The following SLIT2 variants were observed in gnomAD, a reference collection of about 807,000 sequenced individuals.
The protein encoded by SLIT2 is slit homolog 2 protein.
In SLIT2, 41 loss-of-function variants were observed where a neutral mutation model predicts 185.7. That is an observed-to-expected ratio of 0.22 (90% CI 0.17 to 0.29). SLIT2 has a LOEUF of 0.29. Ranked by LOEUF, SLIT2 falls within the 10% of genes least tolerant of loss-of-function variation. The pLI is 1.00. For synonymous variants in SLIT2, 693 were observed against 680.2 expected, an observed-to-expected ratio of 1.02 and a Z score of -0.29; for missense variants, 1,571 against 1,909.0, an observed-to-expected ratio of 0.82 and a Z score of 3.30.
At chr4:20,574,819 A>G (rs1725950537) in intron 29 of SLIT2, among the ~76,000 whole-genome samples, 1 of 149,314 alleles carries the variant, frequency 6.7e-6, no homozygotes, top group Non-Finnish European at 1.5e-5. Context: ...AAAGGTTATT[A>G]TATAGCAGGT....
At chr4:20,580,373 AT>A (rs1239007915) in intron 29 of SLIT2, among the ~76,000 whole-genome samples, 2 of 148,246 alleles carry the variant, frequency 1.3e-5, no homozygotes, top group African/African-American at 5.0e-5. Context: ...TTTCAGGATT[AT>A]TTTTATACTT....
chr4:20,307,685 A>G (rs1054975285), intron 4 of SLIT2, among the ~76,000 whole-genome samples: 1 of 152,212 alleles, frequency 6.6e-6, no homozygotes, highest in Non-Finnish European at 1.5e-5. Context: ...ACAGGAAACT[A>G]GTATTTAGTA....
At chr4:20,497,338 A>T (rs1425526935) in intron 9 of SLIT2, among the ~76,000 whole-genome samples, 1 of 152,102 alleles carries the variant, frequency 6.6e-6, no homozygotes, top group Admixed American at 6.5e-5. Flanking sequence ...AATGGCTTCA[A>T]TCATACATTT....
chr4:20,372,139 A>T (rs955757628), intron 4 of SLIT2, among the ~76,000 whole-genome samples: 1 of 152,074 alleles, frequency 6.6e-6, no homozygotes, highest in African/African-American at 2.4e-5. Context: ...GGTACGACAC[A>T]TTATGCCAGT....
intron 11 of SLIT2, among the ~76,000 whole-genome samples, chr4:20,516,698 C>T (rs1481479527): frequency 2.0e-5 from 3 of 152,042 alleles, no homozygotes; most frequent in Admixed American, 2.0e-4. Flanking sequence ...ACTAATTTTC[C>T]TTGCTGTCAT....
intron 12 of SLIT2, among the ~76,000 whole-genome samples, chr4:20,520,026 T>G (rs1372646469): frequency 4.3e-5 from 4 of 93,406 alleles, no homozygotes; most frequent in African/African-American, 1.8e-4. Flanking sequence ...AGAGTGAGAC[T>G]CCGTCTCAAA....
rs147726667 is a variant in SLIT2 at position 20,618,855 on chromosome 4, G to T, written c.4436G>T (p.Arg1479Leu). 1 of 1,614,128 alleles carries T rather than the reference G, an allele frequency of 6.2e-7. No individual in the cohort carries two copies. Among genetic ancestry groups the T allele is most frequent in the Non-Finnish European group, 8.5e-7 (1 of 1,180,012 alleles). The change falls in exon 37 of 37, where the codon CGA becomes CTA. Residue 1479 changes from arginine to leucine, a missense_variant. Transcript: ENST00000504154. ...TGCCAAACAACCAAGAAGGTGTCCC[G>T]ATTAGAGTGCAGAGGTGGGTGTGCA... ...AACQTTKKVSRLECRGGCAGG... is the reference protein window; with the variant it reads ...AACQTTKKVSLLECRGGCAGG...
intron 4 of SLIT2, among the ~76,000 whole-genome samples, chr4:20,341,991 G>C (rs985565938): frequency 3.9e-5 from 6 of 152,144 alleles, no homozygotes; most frequent in African/African-American, 1.4e-4. Context: ...CAAAATCTAT[G>C]ATGAATTTAT....
chr4:20,252,428 G>T lies in SLIT2; in HGVS notation c.-1388G>T, dbSNP rs1016417424. Reference sequence around the variant, plus strand: ...GGGGCTAGAAGGAGAAGGACTACCCGGGACTGCGGCCGCCGCGTCAGGTGC... The same window carrying T: ...GGGGCTAGAAGGAGAAGGACTACCCTGGACTGCGGCCGCCGCGTCAGGTGC... On this transcript the variant is annotated 5_prime_UTR_variant, in exon 1 of 37. Transcript: ENST00000504154. Among the ~76,000 whole-genome samples, 8 of 152,228 alleles carry T rather than the reference G, an allele frequency of 5.3e-5. No homozygotes were observed. The highest frequency in any genetic ancestry group is 1.0e-4 in the Non-Finnish European group (7 of 68,036).
intron 4 of SLIT2, among the ~76,000 whole-genome samples, chr4:20,270,289 T>C (rs1713467357): frequency 6.6e-6 from 1 of 151,870 alleles, no homozygotes; most frequent in Admixed American, 6.6e-5. Flanking sequence ...ACTGAGGAGA[T>C]TTTTAAGGAA....
intron 4 of SLIT2, among the ~76,000 whole-genome samples, chr4:20,375,018 G>C (rs1356324889): frequency 1.3e-5 from 2 of 151,546 alleles, no homozygotes; most frequent in Non-Finnish European, 2.9e-5. Flanking sequence ...AATTCTAGTT[G>C]GAAAGAATGG....
At chr4:20,568,443 G>A (rs1185119720) in intron 28 of SLIT2, among the ~76,000 whole-genome samples, 2 of 151,782 alleles carry the variant, frequency 1.3e-5, no homozygotes, top group African/African-American at 4.8e-5. Flanking sequence ...GACATTATAA[G>A]TATGTTAGTA....
At chr4:20,557,303 T>C (rs189333947) in intron 26 of SLIT2, among the ~76,000 whole-genome samples, 24 of 152,196 alleles carry the variant, frequency 1.6e-4, no homozygotes, top group African/African-American at 5.8e-4. Context: ...AGTCAGTGCC[T>C]GGCTTCAAAG....
intron 9 of SLIT2, among the ~76,000 whole-genome samples, chr4:20,507,139 A>T (rs915310993): frequency 1.3e-5 from 2 of 151,980 alleles, no homozygotes; most frequent in African/African-American, 4.8e-5. Flanking sequence ...TTGTTTTTGC[A>T]TATAAAAATA....
At chr4:20,594,546 C>T (rs891948339) in intron 30 of SLIT2, among the ~76,000 whole-genome samples, 9 of 152,068 alleles carry the variant, frequency 5.9e-5, no homozygotes, top group Non-Finnish European at 1.0e-4. Context: ...GAAGACCCCT[C>T]CTCATAGATG....
chr4:20,616,927 A>G lies in SLIT2; in HGVS notation c.3865A>G (p.Asn1289Asp). 12 of 1,601,692 alleles carry G rather than the reference A, an allele frequency of 7.5e-6. No homozygotes were observed. Among genetic ancestry groups the G allele is most frequent in the Non-Finnish European group, 1.0e-5 (12 of 1,170,304 alleles). The change falls in exon 35 of 37, where the codon AAC becomes GAC. Residue 1289 changes from asparagine (N) to aspartate (D), a missense_variant. Transcript: ENST00000504154. Reference sequence around the variant, plus strand: ...CTCCCCAGGCATGCCAGGGAAGAGTAACGTGGCATCTCTGCGCCAGGCCCC... The same window carrying G: ...CTCCCCAGGCATGCCAGGGAAGAGTGACGTGGCATCTCTGCGCCAGGCCCC... ...LYVGGMPGKS[N>D]VASLRQAPGQ...
chr4:20,598,694 G>A (rs1239293368), intron 33 of SLIT2, among the ~76,000 whole-genome samples: 1 of 152,170 alleles, frequency 6.6e-6, no homozygotes, highest in Non-Finnish European at 1.5e-5. Context: ...AGGATCAAGA[G>A]GAGGGAGCAG....
chr4:20,344,831 GTTTC>G (rs1721253967), intron 4 of SLIT2, among the ~76,000 whole-genome samples: 2 of 152,256 alleles, frequency 1.3e-5, no homozygotes, highest in African/African-American at 4.8e-5. Flanking sequence ...TCTCATGAGA[GTTTC>G]TTTCTGTTAT....
At chr4:20,340,821 T>C (rs1227821016) in intron 4 of SLIT2, among the ~76,000 whole-genome samples, 5 of 152,288 alleles carry the variant, frequency 3.3e-5, no homozygotes, top group Non-Finnish European at 7.4e-5. Context: ...CAGGATGGTC[T>C]TGATCTCCTG....
Sources: gnomAD v4.1 joint callset for allele counts (sites outside exome capture counted in the v4.1 genomes callset) on GRCh38, gnomAD v4.1.1 for gene constraint, MANE v1.5 for transcripts, NCBI Gene and HGNC (gene_info 2026-07-23, HGNC 2026-07-21) for gene names.